Variants in SMYD3 observed in about 807,000 individuals in gnomAD.
SMYD3 encodes the protein SET and MYND domain containing 3, also known as histone-lysine N-methyltransferase SMYD3.
In SMYD3, 36 loss-of-function variants were observed where a neutral mutation model predicts 57.7. The ratio of observed to expected loss-of-function variants is 0.62; its 90% CI spans 0.48 to 0.82. The LOEUF is 0.82. SMYD3 is among the 40% of genes least tolerant of loss of function. The pLI is 0.00. For missense variants in SMYD3, 515 were observed against 538.8 expected, an observed-to-expected ratio of 0.96 and a Z score of 0.44; for synonymous variants, 211 against 195.0, an observed-to-expected ratio of 1.08 and a Z score of -0.68.
chr1:246,351,202 C>T (rs2065817463), intron 2 of SMYD3, among the ~76,000 whole-genome samples: 1 of 152,144 alleles, frequency 6.6e-6, no homozygotes, highest in African/African-American at 2.4e-5. Context: ...TAAAATAGAG[C>T]TTGTATCTGC....
At chr1:246,381,824 C>T (rs1346229803) in intron 1 of SMYD3, among the ~76,000 whole-genome samples, 2 of 152,220 alleles carry the variant, frequency 1.3e-5, no homozygotes, top group Admixed American at 1.3e-4. Context: ...CTATGGGATC[C>T]AGCCTCCAGG....
At chr1:246,316,552 T>C (rs2065162194) in intron 5 of SMYD3, among the ~76,000 whole-genome samples, 2 of 146,350 alleles carry the variant, frequency 1.4e-5, no homozygotes, top group African/African-American at 5.0e-5. Flanking sequence ...TTTTTTTTTT[T>C]TTTTTTTTTG....
At chr1:246,393,667 C>G (rs1466780818) in intron 1 of SMYD3, among the ~76,000 whole-genome samples, 2 of 125,750 alleles carry the variant, frequency 1.6e-5, no homozygotes, top group African/African-American at 6.2e-5. Flanking sequence ...AGCGTGACCC[C>G]CATCTCTAAA....
In SMYD3 at chr1:246,054,947, G is replaced by A. The variant is rs368640247; in HGVS notation, c.532-125010C>T. The stretch of plus-strand genomic sequence containing the variant: ...TCCCAGCACTTTGGGAGGCCGAGGC[G>A]GGCGGATCACGAGGTCAGGAGATCG... On this transcript the variant is annotated intron_variant, in intron 5 of 11. Transcript: ENST00000490107. Among the ~76,000 whole-genome samples the A allele has an allele frequency of 1.3e-3, 201 of 151,342 alleles. 3 individuals carry two copies. The highest frequency in any genetic ancestry group is 4.5e-3 in the African/African-American group (187 of 41,276).
intron 1 of SMYD3, among the ~76,000 whole-genome samples, chr1:246,393,009 A>G (rs759660372): frequency 7.2e-5 from 11 of 152,276 alleles, no homozygotes; most frequent in Non-Finnish European, 1.5e-4. Context: ...AAATGAGAAG[A>G]AAGATCCCTC....
chr1:246,151,297 T>C (rs895330395), intron 5 of SMYD3, among the ~76,000 whole-genome samples: 5 of 151,538 alleles, frequency 3.3e-5, no homozygotes, highest in Non-Finnish European at 7.4e-5. Flanking sequence ...CACAGCCCCC[T>C]ACTTTCAATA....
chr1:246,014,675 A>G (rs974274011), intron 5 of SMYD3, among the ~76,000 whole-genome samples: 8 of 152,138 alleles, frequency 5.3e-5, no homozygotes, highest in African/African-American at 1.9e-4. Flanking sequence ...GGACTTGTAG[A>G]TAACTTCTTT....
At chr1:245,798,527 A>G (rs960200276) in intron 10 of SMYD3, among the ~76,000 whole-genome samples, 6 of 143,664 alleles carry the variant, frequency 4.2e-5, no homozygotes, top group Non-Finnish European at 6.2e-5. Context: ...CCCATGCTTA[A>G]GAGCCACCCA....
intron 10 of SMYD3, among the ~76,000 whole-genome samples, chr1:245,832,485 G>GT (rs10578766): frequency 0.02 from 3,008 of 149,014 alleles, 98 homozygotes; most frequent in African/African-American, 0.07. Flanking sequence ...TGTTTTTTTT[G>GT]TTTTTTTTTT....
At chr1:246,129,475 T>C (rs562034117) in intron 5 of SMYD3, among the ~76,000 whole-genome samples, 19 of 152,156 alleles carry the variant, frequency 1.2e-4, no homozygotes, top group Non-Finnish European at 2.6e-4. Context: ...TGAGAGTTTC[T>C]ATTTTCTCAT....
At chr1:246,459,490 G>A (rs1232041616) in intron 1 of SMYD3, among the ~76,000 whole-genome samples, 9 of 149,662 alleles carry the variant, frequency 6.0e-5, no homozygotes, top group African/African-American at 2.2e-4. Context: ...GAGTTCTCGT[G>A]AGATCTTGTT....
intron 5 of SMYD3, among the ~76,000 whole-genome samples, chr1:245,935,879 G>T (rs1275807120): frequency 6.6e-6 from 1 of 152,194 alleles, no homozygotes. Flanking sequence ...AGAGGCATGG[G>T]CTGGGGAGAG....
At chr1:245,802,558 T>C (rs35580182) in intron 10 of SMYD3, among the ~76,000 whole-genome samples, 13,246 of 152,248 alleles carry the variant, frequency 0.087, 831 homozygotes, top group East Asian at 0.29. Context: ...GTACTAGAGA[T>C]GGAATCAACC....
intron 4 of SMYD3, among the ~76,000 whole-genome samples, 171 bp downstream of exon 4, chr1:246,330,309 C>G (rs987945766): frequency 6.6e-6 from 1 of 152,090 alleles, no homozygotes; most frequent in African/African-American, 2.4e-5. Flanking sequence ...ACGAAGCTAC[C>G]CTGGAATAAG....
rs60153898 is a variant in SMYD3 at position 245,993,631 on chromosome 1, TAGAC to T, written c.532-63698_532-63695del. 8.0e-3 allele frequency among the ~76,000 whole-genome samples: 963 copies of T among 120,046 alleles called. 13 individuals are homozygous for T. Among genetic ancestry groups the T allele is most frequent in the African/African-American group, 0.026 (728 of 28,438 alleles). The allele number at this position is 120,046 out of a possible 152,430, so 78.8% of individuals were successfully genotyped here. A position where few individuals can be genotyped will look rare whatever the true frequency, so the allele number is the denominator to read the frequency against. ...ATAGATAGATAGATAGATAGATAGA[TAGAC>T]AGACAGACAGACAGACAGACAGACA... On this transcript the variant is annotated intron_variant, in intron 5 of 11. Transcript: ENST00000490107.
intron 10 of SMYD3, among the ~76,000 whole-genome samples, chr1:245,827,952 G>T (rs916181012): frequency 6.6e-6 from 1 of 152,104 alleles, no homozygotes; most frequent in African/African-American, 2.4e-5. Context: ...ACAGAGTTGT[G>T]CCCTAAAGCC....
chr1:246,178,475 G>A (rs1003349892), intron 5 of SMYD3, among the ~76,000 whole-genome samples: 10 of 152,220 alleles, frequency 6.6e-5, no homozygotes, highest in African/African-American at 2.4e-4. Flanking sequence ...TGAAGTGGGA[G>A]AGGCTCCACT....
chr1:246,247,470 T>C (rs1056642544), intron 5 of SMYD3, among the ~76,000 whole-genome samples: 2 of 132,344 alleles, frequency 1.5e-5, no homozygotes, highest in African/African-American at 5.9e-5. Context: ...TCTCTCTATA[T>C]ATATATATAT....
At chr1:245,806,336 A>G (rs2817501) in intron 10 of SMYD3, among the ~76,000 whole-genome samples, 1,766 of 152,314 alleles carry the variant, frequency 0.012, 34 homozygotes, top group African/African-American at 0.04. Flanking sequence ...TTTGCCATCC[A>G]TATTGCTAGG....
Sources: allele counts gnomAD v4.1 joint callset (sites outside exome capture counted in the v4.1 genomes callset), GRCh38; gene constraint gnomAD v4.1.1; transcripts MANE v1.5; gene names NCBI Gene and HGNC (gene_info 2026-07-23, HGNC 2026-07-21).